Variants in DLGAP1 observed in about 807,000 individuals in gnomAD.
DLGAP1 encodes disks large-associated protein 1.
In DLGAP1, 11 loss-of-function variants were observed where a neutral mutation model predicts 90.8. The observed-to-expected ratio is 0.12, with a 90% CI of 0.08 to 0.20. DLGAP1 has a LOEUF of 0.20. Among genes scored for constraint, DLGAP1 ranks in the 10% least tolerant of loss-of-function variants. The pLI, the probability that DLGAP1 is intolerant of heterozygous loss-of-function variation, is 1.00. For synonymous variants in DLGAP1, 558 were observed against 540.7 expected (o/e 1.03, Z -0.44); for missense variants, 1,050 against 1,333.8 (o/e 0.79, Z 3.31).
intron 1 of DLGAP1, among the ~76,000 whole-genome samples, chr18:4,412,642 A>G (rs2082804537): frequency 6.6e-6 from 1 of 152,214 alleles, no homozygotes; most frequent in African/African-American, 2.4e-5. Context: ...CACCTGTTAT[A>G]TAGGATTTAA....
chr18:3,593,597 GGA>G (rs2056402915), intron 7 of DLGAP1: 1 of 152,190 alleles, frequency 6.6e-6, no homozygotes, highest in Admixed American at 6.5e-5. Context: ...TGTAAGGGGA[GGA>G]GAGGGGATGT....
intron 4 of DLGAP1, among the ~76,000 whole-genome samples, chr18:3,826,602 T>G (rs1038718642): frequency 6.6e-6 from 1 of 151,726 alleles, no homozygotes; most frequent in Admixed American, 6.6e-5. Flanking sequence ...GGAGGCCAGG[T>G]GAGTGGAGTG....
chr18:3,561,266 C>CAA lies in DLGAP1; in HGVS notation c.2057+6222_2057+6223dup, dbSNP rs71159092. On this transcript the variant is annotated intron_variant, in intron 9 of 12. Coordinates refer to ENST00000315677, the MANE Select transcript of DLGAP1 (RefSeq NM_004746.4). The stretch of plus-strand genomic sequence containing the variant: ...CACCGTCTCTACTAAAAAAAAAAAA[C>CAA]AAAAAAAAAAAAACAAACAAAAAAT... 1.4e-4 allele frequency among the ~76,000 whole-genome samples: 16 copies of CAA among 110,476 alleles called. 1 individual carries two copies. Among genetic ancestry groups the CAA allele is most frequent in the Admixed American group, 2.0e-4 (2 of 10,046 alleles). The allele number at this position is 110,476 out of a possible 152,430, so 72.5% of individuals were successfully genotyped here. A position where few individuals can be genotyped will look rare whatever the true frequency, so the allele number is the denominator to read the frequency against.
intron 2 of DLGAP1, among the ~76,000 whole-genome samples, chr18:4,118,836 A>G (rs1402423899): frequency 1.3e-5 from 2 of 152,074 alleles, no homozygotes; most frequent in Admixed American, 6.5e-5. Context: ...ATATTACCCT[A>G]TTTACTTTAG....
chr18:3,795,679 C>G (rs1240007943), intron 5 of DLGAP1, among the ~76,000 whole-genome samples: 1 of 152,044 alleles, frequency 6.6e-6, no homozygotes, highest in Non-Finnish European at 1.5e-5. Context: ...ATGAGGGTCT[C>G]ACTATGTTGT....
At chr18:4,329,668 C>A (rs2080905055) in intron 1 of DLGAP1, among the ~76,000 whole-genome samples, 1 of 151,798 alleles carries the variant, frequency 6.6e-6, no homozygotes. Context: ...TTTTAAATTT[C>A]TTGGTTATGT....
intron 1 of DLGAP1, among the ~76,000 whole-genome samples, chr18:4,223,582 T>G (rs746589240): frequency 9.9e-5 from 15 of 152,206 alleles, no homozygotes; most frequent in South Asian, 4.1e-4. Flanking sequence ...TCATGCAGAA[T>G]TTCATCATTT....
At position 3,879,665 on chromosome 18, in the gene DLGAP1, G is replaced by C; in HGVS notation, c.404C>G (p.Pro135Arg). The change falls in exon 4 of 13, where the codon CCC becomes CGC. Residue 135 changes from proline to arginine, a missense_variant. Transcript: ENST00000315677. The surrounding 1 kb of genome is among the most constrained non-coding windows in gnomAD (Gnocchi z 6.6). ...GTGCACCAGGTGGCGGATGCGGCCG[G>C]GGCTGTCGCTGCGGTGCTCCACGGC... ...RTAVEHRSDS[P>R]GRIRHLVHSV... 6.2e-7 allele frequency: 1 copy of C among 1,606,332 alleles called. No homozygotes were observed. The highest frequency in any genetic ancestry group is 8.5e-7 in the Non-Finnish European group (1 of 1,179,452).
intron 2 of DLGAP1, among the ~76,000 whole-genome samples, chr18:4,049,654 T>C (rs1249541556): frequency 1.3e-5 from 2 of 152,188 alleles, no homozygotes; most frequent in African/African-American, 4.8e-5. Context: ...GTCCTTGCTC[T>C]TGTCAGTTCC....
chr18:4,179,846 G>A (rs752337852), intron 1 of DLGAP1, among the ~76,000 whole-genome samples: 1 of 152,280 alleles, frequency 6.6e-6, no homozygotes, highest in Non-Finnish European at 1.5e-5. Flanking sequence ...TCTCGGCTGC[G>A]TCCCTTGGGG....
chr18:4,048,707 C>T (rs181027100), intron 2 of DLGAP1, among the ~76,000 whole-genome samples: 1 of 152,216 alleles, frequency 6.6e-6, no homozygotes, highest in Admixed American at 6.5e-5. Context: ...ACTATAAGTG[C>T]CAGCCATTAT....
At chr18:4,291,788 A>C (rs2079856000) in intron 1 of DLGAP1, among the ~76,000 whole-genome samples, 3 of 152,204 alleles carry the variant, frequency 2.0e-5, no homozygotes, top group Admixed American at 2.0e-4. Flanking sequence ...CACACTTATA[A>C]ATTTAATGAA....
intron 9 of DLGAP1, among the ~76,000 whole-genome samples, chr18:3,552,426 C>T (rs1198603657): frequency 1.3e-5 from 2 of 152,132 alleles, no homozygotes; most frequent in African/African-American, 2.4e-5. Flanking sequence ...GGTGATCTGG[C>T]TGGGCTTTCA....
intron 3 of DLGAP1, among the ~76,000 whole-genome samples, chr18:3,914,469 A>C (rs1430219440): frequency 1.3e-5 from 2 of 152,172 alleles, no homozygotes; most frequent in Admixed American, 1.3e-4. Flanking sequence ...GGACACTTAG[A>C]TTGATTCCAT....
At chr18:4,360,716 A>C (rs949584086) in intron 1 of DLGAP1, among the ~76,000 whole-genome samples, 2 of 152,134 alleles carry the variant, frequency 1.3e-5, no homozygotes, top group Non-Finnish European at 2.9e-5. Flanking sequence ...CAGTGGCTCA[A>C]GCCTGTAATC....
chr18:3,971,451 C>A (rs1272700018), intron 3 of DLGAP1, among the ~76,000 whole-genome samples: 1 of 151,068 alleles, frequency 6.6e-6, no homozygotes, highest in East Asian at 1.9e-4. Flanking sequence ...ATATATATGA[C>A]ATAATATCAC....
At chr18:4,347,871 C>G (rs1157824164) in intron 1 of DLGAP1, among the ~76,000 whole-genome samples, 12 of 151,374 alleles carry the variant, frequency 7.9e-5, no homozygotes, top group Admixed American at 6.6e-4. Flanking sequence ...TAAAAGTATC[C>G]CTACTTATAG....
Position 3,686,175 on chromosome 18 carries a change from AAAAC to A in DLGAP1, c.1591+42956_1591+42959del, listed in dbSNP as rs59979923. On this transcript the variant is annotated intron_variant, in intron 7 of 12. Transcript: ENST00000315677. ...TGGGTGACAGAGGAGACTCCATTTC[AAAAC>A]AAACAAACAAACAAACAAACAGAAT... is the stretch of plus-strand genomic sequence containing the variant. Among the ~76,000 whole-genome samples the A allele has an allele frequency of 6.2e-4, 93 of 151,210 alleles. 1 individual carries two copies. The highest frequency in any genetic ancestry group is 3.4e-3 in the Middle Eastern group (1 of 294).
intron 1 of DLGAP1, among the ~76,000 whole-genome samples, chr18:4,423,755 C>A (rs139743355): frequency 1.3e-5 from 2 of 151,186 alleles, no homozygotes; most frequent in African/African-American, 4.9e-5. Context: ...GGTTGCCTAC[C>A]CCAGGACAAC....
Sources: allele counts gnomAD v4.1 joint callset (sites outside exome capture counted in the v4.1 genomes callset), GRCh38; gene constraint gnomAD v4.1.1; non-coding constraint Gnocchi (gnomAD v3.1); transcripts MANE v1.5; gene names NCBI Gene and HGNC (gene_info 2026-07-23, HGNC 2026-07-21).